Variants in KCNQ5 observed in about 807,000 individuals in gnomAD.
KCNQ5 encodes the protein potassium voltage-gated channel subfamily Q member 5, also known as potassium voltage-gated channel subfamily KQT member 5.
KCNQ5 carries 30 observed loss-of-function variants against 98.2 expected under a neutral mutation model. That is an observed-to-expected ratio of 0.31 (90% confidence interval 0.23 to 0.41). The LOEUF (loss-of-function observed/expected upper bound fraction) is 0.41. Among genes scored for constraint, KCNQ5 ranks in the 10% least tolerant of loss-of-function variants. The pLI, the probability that KCNQ5 is intolerant of heterozygous loss-of-function variation, is 1.00. For synonymous variants in KCNQ5, 458 were observed against 449.4 expected (o/e 1.02, Z -0.24); for missense variants, 835 against 1,182.5 (o/e 0.71, Z 4.31).
chr6:72,997,454 A>G (rs1343510180), intron 1 of KCNQ5, among the ~76,000 whole-genome samples: 1 of 152,032 alleles, frequency 6.6e-6, no homozygotes, highest in Non-Finnish European at 1.5e-5. Flanking sequence ...TTCATTCTTT[A>G]AAAACTGCTC....
Position 73,194,694 on chromosome 6 carries a change from G to A in KCNQ5, c.2079G>A (p.Thr693=), listed in dbSNP as rs546835876. ...NISRGLQFIL[T]PNEFSAQTFY... ...CGAGAGGCCTGCAGTTCATTCTGACGCCAAATGAGTTCAGTGCCCAGACTT... is the reference window on the plus strand; with the variant it reads ...CGAGAGGCCTGCAGTTCATTCTGACACCAAATGAGTTCAGTGCCCAGACTT... Residue 693 remains threonine (T), a synonymous_variant, in exon 14 of 14, where the codon ACG becomes ACA. Coordinates refer to ENST00000370398, the MANE Select transcript of KCNQ5 (RefSeq NM_019842.4). 63 of 1,614,226 alleles carry A rather than the reference G, an allele frequency of 3.9e-5. No homozygotes were observed. Among genetic ancestry groups the A allele is most frequent in the South Asian group, 3.8e-4 (35 of 91,076 alleles).
intron 3 of KCNQ5, among the ~76,000 whole-genome samples, chr6:73,057,837 G>A (rs1187610571): frequency 1.3e-5 from 2 of 152,190 alleles, no homozygotes; most frequent in Non-Finnish European, 2.9e-5. Flanking sequence ...ATCACATTGT[G>A]TGACTTCAAT....
At chr6:72,943,692 T>A (rs1377475233) in intron 1 of KCNQ5, among the ~76,000 whole-genome samples, 1 of 152,210 alleles carries the variant, frequency 6.6e-6, no homozygotes, top group African/African-American at 2.4e-5. Flanking sequence ...CTACCTAGAT[T>A]GCAACCTTAG....
In KCNQ5 at chr6:73,197,499, A is replaced by G. The variant is rs1250592656; in HGVS notation, c.*2085A>G. 6.6e-6 allele frequency: 1 copy of G among 152,092 alleles called. No homozygotes were observed. The highest frequency in any genetic ancestry group is 1.9e-4 in the East Asian group (1 of 5,190). The allele number at this position is 152,092 out of a possible 1,614,324, so 9.4% of individuals were successfully genotyped here. A position where few individuals can be genotyped will look rare whatever the true frequency, so the allele number is the denominator to read the frequency against. On this transcript the variant is annotated 3_prime_UTR_variant, in exon 14 of 14. Transcript: ENST00000370398. ...GCAATTGTTTTCATTTTCAAAATAC[A>G]GAATGTTAGTAAATTATGAAAATCA...
intron 1 of KCNQ5, among the ~76,000 whole-genome samples, chr6:72,763,851 C>T (rs1250116005): frequency 6.6e-6 from 1 of 151,954 alleles, no homozygotes; most frequent in Non-Finnish European, 1.5e-5. Context: ...GGAGAAAAAA[C>T]CTGGGTTGAA....
rs985917237 is a variant in KCNQ5, at chr6:72,672,118, A to G, written c.398+49531A>G. Among the ~76,000 whole-genome samples, 17 of 121,510 alleles carry G rather than the reference A, an allele frequency of 1.4e-4. No homozygotes were observed. The Admixed American group carries it at 1.4e-3, about 10-fold the overall frequency. The allele number at this position is 121,510 out of a possible 152,430, so 79.7% of individuals were successfully genotyped here. A position where few individuals can be genotyped will look rare whatever the true frequency, so the allele number is the denominator to read the frequency against. On this transcript the variant is annotated intron_variant, in intron 1 of 13. Coordinates refer to ENST00000370398, the MANE Select transcript of KCNQ5 (RefSeq NM_019842.4). ...GGCATGAGCCACGACGCCTGGCCTAATTTTTTTTTTTTTTTTGAGACAGAG... is the reference window on the plus strand; with the variant it reads ...GGCATGAGCCACGACGCCTGGCCTAGTTTTTTTTTTTTTTTTGAGACAGAG...
At chr6:72,812,261 C>T (rs765679807) in intron 1 of KCNQ5, among the ~76,000 whole-genome samples, 11 of 152,124 alleles carry the variant, frequency 7.2e-5, no homozygotes, top group Non-Finnish European at 1.6e-4. Context: ...CATCCTGTGA[C>T]TAAGAATGCC....
At chr6:72,786,701 G>A (rs945252430) in intron 1 of KCNQ5, among the ~76,000 whole-genome samples, 5 of 152,232 alleles carry the variant, frequency 3.3e-5, no homozygotes, top group East Asian at 1.9e-4. Flanking sequence ...CTGAGAGACC[G>A]GTGTATTAGA....
intron 1 of KCNQ5, among the ~76,000 whole-genome samples, chr6:72,750,957 A>C (rs558669311): frequency 2.6e-5 from 4 of 152,174 alleles, no homozygotes; most frequent in Admixed American, 1.3e-4. Context: ...TGAATATGCC[A>C]GTTGACCAAA....
chr6:72,758,888 T>C (rs1327079426), intron 1 of KCNQ5, among the ~76,000 whole-genome samples: 1 of 152,090 alleles, frequency 6.6e-6, no homozygotes, highest in East Asian at 1.9e-4. Context: ...TTGGCTGACT[T>C]AAAGATATGA....
chr6:72,653,206 A>T (rs1765962998), intron 1 of KCNQ5, among the ~76,000 whole-genome samples: 1 of 151,924 alleles, frequency 6.6e-6, no homozygotes, highest in Admixed American at 6.6e-5. Flanking sequence ...GGTGTTTCAT[A>T]ATCAACCTGC....
intron 1 of KCNQ5, among the ~76,000 whole-genome samples, chr6:72,729,282 A>C (rs945896398): frequency 6.6e-6 from 1 of 152,136 alleles, no homozygotes; most frequent in African/African-American, 2.4e-5. Context: ...TGGAAATGTA[A>C]AGTCAAAGGG....
At chr6:72,854,721 TACACACACAC>T (rs59899899) in intron 1 of KCNQ5, among the ~76,000 whole-genome samples, 32 of 126,846 alleles carry the variant, frequency 2.5e-4, no homozygotes, top group African/African-American at 8.0e-4. Flanking sequence ...TCTTTCTTTG[TACACACACAC>T]ACACACACAC....
intron 1 of KCNQ5, among the ~76,000 whole-genome samples, chr6:72,804,774 C>T (rs1476145508): frequency 1.3e-5 from 2 of 152,158 alleles, no homozygotes; most frequent in African/African-American, 4.8e-5. Flanking sequence ...TTTGTATTCC[C>T]ACTAACAGTA....
intron 1 of KCNQ5, among the ~76,000 whole-genome samples, chr6:72,824,851 G>A (rs187664000): frequency 9.9e-4 from 150 of 151,838 alleles, no homozygotes; most frequent in Middle Eastern, 3.4e-3. Context: ...ATTTGGATAC[G>A]TAAATAGTCA....
At chr6:72,656,828 T>C (rs1373284190) in intron 1 of KCNQ5, among the ~76,000 whole-genome samples, 1 of 152,160 alleles carries the variant, frequency 6.6e-6, no homozygotes, top group East Asian at 1.9e-4. Context: ...GACCATTGCA[T>C]CTGGGATGCA....
At chr6:73,046,464 C>T (rs1020358002) in intron 3 of KCNQ5, among the ~76,000 whole-genome samples, 6 of 152,022 alleles carry the variant, frequency 3.9e-5, no homozygotes, top group African/African-American at 1.4e-4. Flanking sequence ...TTTAATCCCT[C>T]TAGTTAGTAA....
intron 1 of KCNQ5, among the ~76,000 whole-genome samples, chr6:72,802,815 A>C (rs181236088): frequency 1.7e-4 from 26 of 152,196 alleles, no homozygotes; most frequent in Middle Eastern, 6.8e-3. Flanking sequence ...AGACAATTAC[A>C]CTGCATTCTG....
At chr6:72,961,515 T>G (rs527801364) in intron 1 of KCNQ5, among the ~76,000 whole-genome samples, 9 of 149,254 alleles carry the variant, frequency 6.0e-5, no homozygotes, top group South Asian at 2.1e-4. Flanking sequence ...CCAGCTACTC[T>G]GGAGGCTGAG....
Sources: gnomAD v4.1 joint callset for allele counts (sites outside exome capture counted in the v4.1 genomes callset) on GRCh38, gnomAD v4.1.1 for gene constraint, MANE v1.5 for transcripts, NCBI Gene and HGNC (gene_info 2026-07-23, HGNC 2026-07-21) for gene names.